The following DENND1B variants were observed in gnomAD, a reference collection of about 807,000 sequenced individuals.
DENND1B encodes DENN domain containing 1B.
Under a neutral mutation model 90.1 loss-of-function variants are expected in DENND1B, and 59 were observed. That is an observed-to-expected ratio of 0.65 (90% CI 0.53 to 0.81). The LOEUF (loss-of-function observed/expected upper bound fraction) is 0.81. Ranked by LOEUF, DENND1B falls within the 40% of genes least tolerant of loss-of-function variation. DENND1B has a pLI of 0.00. For synonymous variants in DENND1B, 337 were observed against 324.6 expected (o/e 1.04, Z -0.41); for missense variants, 862 against 912.6 (o/e 0.94, Z 0.71).
chr1:197,746,823 T>G (rs1300814909), intron 2 of DENND1B: 35 of 1,610,954 alleles, frequency 2.2e-5, no homozygotes, highest in Middle Eastern at 2.2e-4. Flanking sequence ...TTCTTCTTTT[T>G]GGGGGCAGCC....
intron 15 of DENND1B, among the ~76,000 whole-genome samples, chr1:197,571,801 G>GA (rs778962541): frequency 2.6e-5 from 4 of 152,104 alleles, no homozygotes; most frequent in African/African-American, 7.2e-5. Context: ...TAGACACACA[G>GA]AAAAAAGAGT....
At chr1:197,534,490 T>G (rs993602650) in intron 20 of DENND1B, among the ~76,000 whole-genome samples, 2 of 152,228 alleles carry the variant, frequency 1.3e-5, no homozygotes, top group African/African-American at 4.8e-5. Flanking sequence ...TCTAACCTAT[T>G]TCTTTGGAAT....
chr1:197,661,267 A>G (rs1654378603), intron 5 of DENND1B, among the ~76,000 whole-genome samples: 1 of 152,122 alleles, frequency 6.6e-6, no homozygotes, highest in Non-Finnish European at 1.5e-5. Flanking sequence ...AACTAAATAT[A>G]ATGCAAATCA....
chr1:197,769,853 A>G (rs1470882091), intron 2 of DENND1B, among the ~76,000 whole-genome samples: 1 of 152,206 alleles, frequency 6.6e-6, no homozygotes, highest in Non-Finnish European at 1.5e-5. Flanking sequence ...GAGGATTCCA[A>G]TAACTTTTAA....
At chr1:197,619,447 G>T (rs4915244) in intron 10 of DENND1B, among the ~76,000 whole-genome samples, 148,177 of 151,132 alleles carry the variant, frequency 0.98, 72,705 homozygotes, top group South Asian at 1. Flanking sequence ...CTTATGAAGC[G>T]TTGAAAGGCA....
chr1:197,706,731 T>C (rs1458513463), intron 3 of DENND1B, among the ~76,000 whole-genome samples: 1 of 152,074 alleles, frequency 6.6e-6, no homozygotes, highest in African/African-American at 2.4e-5. Context: ...AGAGTTATCA[T>C]CTCACCCCAG....
chr1:197,597,216 A>G (rs1675781399), intron 13 of DENND1B, among the ~76,000 whole-genome samples: 1 of 151,846 alleles, frequency 6.6e-6, no homozygotes, highest in African/African-American at 2.4e-5. Flanking sequence ...AATTACAAAA[A>G]TAAATCTAAA....
At chr1:197,756,562 C>T in intron 2 of DENND1B, among the ~76,000 whole-genome samples, 1 of 104,168 alleles carries the variant, frequency 9.6e-6, no homozygotes, top group Non-Finnish European at 1.7e-5. Flanking sequence ...GGCAACAGAG[C>T]AAGTCTCCAT....
intron 3 of DENND1B, among the ~76,000 whole-genome samples, chr1:197,700,462 TC>T (rs1190258431): frequency 6.6e-6 from 1 of 151,850 alleles, no homozygotes; most frequent in Non-Finnish European, 1.5e-5. Flanking sequence ...AAAAATTAAC[TC>T]AAGATGGATT....
At chr1:197,707,567 T>C (rs1261213867) in intron 3 of DENND1B, among the ~76,000 whole-genome samples, 3 of 148,050 alleles carry the variant, frequency 2.0e-5, no homozygotes, top group Non-Finnish European at 3.0e-5. Flanking sequence ...TATATATGTG[T>C]AATTATATGC....
At chr1:197,566,640 T>C (rs993319730) in intron 15 of DENND1B, among the ~76,000 whole-genome samples, 3 of 152,088 alleles carry the variant, frequency 2.0e-5, no homozygotes, top group Non-Finnish European at 4.4e-5. Flanking sequence ...ATTTATTTAA[T>C]AAACTTAAAT....
At chr1:197,745,617 TA>T (rs56737934) in intron 2 of DENND1B, among the ~76,000 whole-genome samples, 44,235 of 133,606 alleles carry the variant, frequency 0.33, 7,356 homozygotes, top group African/African-American at 0.49. Flanking sequence ...ATATATATAT[TA>T]TATATATATA....
intron 2 of DENND1B, among the ~76,000 whole-genome samples, chr1:197,770,806 A>C (rs558605100): frequency 1.2e-3 from 169 of 138,008 alleles, no homozygotes; most frequent in Admixed American, 1.9e-3. Context: ...ATAAATATAT[A>C]TATAAATATA....
At chr1:197,636,273 T>A (rs1408577220) in intron 10 of DENND1B, among the ~76,000 whole-genome samples, 1 of 152,008 alleles carries the variant, frequency 6.6e-6, no homozygotes, top group Non-Finnish European at 1.5e-5. Flanking sequence ...GGTATAAATA[T>A]GACACATTGA....
chr1:197,535,466 T>A (rs1669807416), intron 20 of DENND1B, among the ~76,000 whole-genome samples: 1 of 152,106 alleles, frequency 6.6e-6, no homozygotes, highest in Non-Finnish European at 1.5e-5. Flanking sequence ...CAGTAAGAGA[T>A]TAACAACAAT....
At chr1:197,548,484 GT>G (rs983493876) in intron 16 of DENND1B, among the ~76,000 whole-genome samples, 76 of 152,216 alleles carry the variant, frequency 5.0e-4, no homozygotes, top group African/African-American at 1.8e-3. Context: ...ATTAAACAAT[GT>G]TTAGTATGGT....
At chr1:197,751,355 G>A (rs368311940) in intron 2 of DENND1B, among the ~76,000 whole-genome samples, 1 of 152,098 alleles carries the variant, frequency 6.6e-6, no homozygotes, top group Non-Finnish European at 1.5e-5. Context: ...AGTCACAAGT[G>A]AAACTAGAAA....
At chr1:197,673,825 C>T (rs1655776164) in intron 4 of DENND1B, among the ~76,000 whole-genome samples, 1 of 151,934 alleles carries the variant, frequency 6.6e-6, no homozygotes, top group African/African-American at 2.4e-5. Context: ...GTATTTTTTT[C>T]CACTAGTGAT....
chr1:197,509,804 G>A lies in DENND1B; in HGVS notation c.*656C>T, dbSNP rs1445254050. The A allele has an allele frequency of 6.6e-6, 1 of 152,074 alleles. No individual in the cohort carries two copies. Among genetic ancestry groups the A allele is most frequent in the African/African-American group, 2.4e-5 (1 of 41,336 alleles). The allele number at this position is 152,074 out of a possible 1,614,324, so 9.4% of individuals were successfully genotyped here. On this transcript the variant is annotated 3_prime_UTR_variant, in exon 23 of 23. Coordinates refer to ENST00000620048, the MANE Select transcript of DENND1B (RefSeq NM_001195215.2). Reference sequence around the variant, plus strand: ...CTTCCTATATTTCACTGAATGAAAGGTAAGTGTATATTTTTATACTTTTTG... The same window carrying A: ...CTTCCTATATTTCACTGAATGAAAGATAAGTGTATATTTTTATACTTTTTG...
Sources: allele counts gnomAD v4.1 joint callset (sites outside exome capture counted in the v4.1 genomes callset), GRCh38; gene constraint gnomAD v4.1.1; transcripts MANE v1.5; gene names NCBI Gene and HGNC (gene_info 2026-07-23, HGNC 2026-07-21).